Variants in HUWE1 observed in about 807,000 individuals in gnomAD.
HUWE1 encodes the protein E3 ubiquitin-protein ligase HUWE1.
In HUWE1, 18 loss-of-function variants were observed where a neutral mutation model predicts 299.4. The observed-to-expected ratio is 0.06, with a 90% CI of 0.04 to 0.09. HUWE1 has a LOEUF of 0.09. Ranked by LOEUF, HUWE1 falls within the 10% of genes least tolerant of loss-of-function variation. The probability of loss-of-function intolerance (pLI) is 1.00; values close to 1 mark genes in which losing one functional copy is unlikely to be tolerated. For missense variants in HUWE1, 1,832 were observed against 3,462.3 expected, an observed-to-expected ratio of 0.53 and a Z score of 11.82; for synonymous variants, 1,317 against 1,286.1, an observed-to-expected ratio of 1.02 and a Z score of -0.51.
intron 3 of HUWE1, among the ~76,000 whole-genome samples, chrX:53,674,601 G>C (rs2069719368): frequency 8.9e-6 from 1 of 112,078 alleles, no homozygotes; most frequent in African/African-American, 3.2e-5. Context: ...TTGAATTCAT[G>C]AAGTACTTTT....
chrX:53,600,021 C>T lies in HUWE1; in HGVS notation c.3163+97G>A. 5 of 820,015 alleles carry T rather than the reference C, an allele frequency of 6.1e-6. No homozygotes were observed. The South Asian group carries it at 8.4e-5, about 14-fold the overall frequency. 67.6% of individuals were successfully genotyped at this position (820,015 alleles called of 1,213,427 possible). A position where few individuals can be genotyped will look rare whatever the true frequency, so the allele number is the denominator to read the frequency against. ...AAAAATGAGTCACAGAAGTTTTAAA[C>T]TTCCTTAGGTGAAACAACATAGCCT... On this transcript the variant is annotated intron_variant, in intron 29 of 83. Transcript: ENST00000262854.
chrX:53,673,551 T>C (rs1406894248), intron 3 of HUWE1, among the ~76,000 whole-genome samples: 1 of 111,890 alleles, frequency 8.9e-6, no homozygotes, highest in African/African-American at 3.2e-5. Flanking sequence ...AGACATTTAG[T>C]GTAACCATCA....
rs1286856794 is a variant in HUWE1, at chrX:53,653,764, A to G, written c.45+299T>C. 3.6e-5 allele frequency among the ~76,000 whole-genome samples: 4 copies of G among 112,282 alleles called. No individual in the cohort carries two copies. In the East Asian group the frequency reaches 1.1e-3, roughly 31 times the overall value. ...AACCCATATCTGCTCTTTCCATTAT[A>G]CCACACATCCTTTCTGCATAGGAAG... On this transcript the variant is annotated intron_variant, in intron 4 of 83. Transcript: ENST00000262854.
intron 28 of HUWE1, 100 bp downstream of exon 28, chrX:53,602,464 A>G: frequency 1.9e-6 from 1 of 527,612 alleles, no homozygotes; most frequent in Non-Finnish European, 3.3e-6. Flanking sequence ...AAACTAGACT[A>G]TGGATGATAG....
chrX:53,628,450 T>C lies in HUWE1; in HGVS notation c.1242+43A>G. 7.9e-6 allele frequency: 9 copies of C among 1,132,289 alleles called. No individual in the cohort carries two copies. The South Asian group carries it at 1.4e-4, about 18-fold the overall frequency. 93.3% of individuals were successfully genotyped at this position (1,132,289 alleles called of 1,213,427 possible). ...TTGCATCTCTACACCCTTAGTTGAT[T>C]TCCCCATGTAGTTTAAAAAAAAAAA... On this transcript the variant is annotated intron_variant, in intron 15 of 83. Coordinates refer to ENST00000262854, the MANE Select transcript of HUWE1 (RefSeq NM_031407.7).
chrX:53,547,427 A>G (rs2061587313), intron 68 of HUWE1, among the ~76,000 whole-genome samples: 1 of 111,799 alleles, frequency 8.9e-6, no homozygotes, highest in African/African-American at 3.3e-5. Flanking sequence ...GCTGACCTTC[A>G]AAAGAGTGTG....
intron 4 of HUWE1, among the ~76,000 whole-genome samples, chrX:53,648,540 C>CAAAAAAAA (rs200558034): frequency 4.7e-5 from 4 of 85,733 alleles, no homozygotes; most frequent in African/African-American, 2.8e-4. Context: ...CAAAAAAAAA[C>CAAAAAAAA]AAAAAAAAAC....
rs959220671 is a variant in HUWE1 at position 53,627,566 on chromosome X, T to A, written c.1384-51A>T. The A allele has an allele frequency of 2.3e-4, 142 of 627,025 alleles. 2 individuals are homozygous for A. The highest frequency in any genetic ancestry group is 1.2e-3 in the Middle Eastern group (3 of 2,505). 51.7% of individuals were successfully genotyped at this position (627,025 alleles called of 1,213,427 possible). On this transcript the variant is annotated intron_variant, in intron 16 of 83. Transcript: ENST00000262854. ...AAAATCAAGTATATATATATATATT[T>A]TTTTTTTCAGGGATTAAAAACTATT...
At chrX:53,578,410 C>G (rs1379623148) in intron 43 of HUWE1, among the ~76,000 whole-genome samples, 2 of 86,172 alleles carry the variant, frequency 2.3e-5, no homozygotes, top group Admixed American at 2.3e-4. Flanking sequence ...TGAGGGGCTC[C>G]TCTGCCCGGC....
chrX:53,675,350 T>C, intron 3 of HUWE1, among the ~76,000 whole-genome samples: 1 of 112,041 alleles, frequency 8.9e-6, no homozygotes, highest in South Asian at 3.7e-4. Flanking sequence ...TATTACCCTG[T>C]ATTAATAGAA....
intron 81 of HUWE1, among the ~76,000 whole-genome samples, chrX:53,534,938 G>T (rs1233170000): frequency 9.2e-6 from 1 of 108,655 alleles, no homozygotes; most frequent in Non-Finnish European, 1.9e-5. Flanking sequence ...GTTAAGCTGG[G>T]TTTGTTTTTT....
intron 24 of HUWE1, 64 bp downstream of exon 24, chrX:53,608,788 G>A (rs2065283536): frequency 7.2e-6 from 5 of 698,700 alleles, no homozygotes; most frequent in South Asian, 6.4e-5. Flanking sequence ...CTCTGATAAC[G>A]AAACACATTT....
chrX:53,681,495 G>A (rs919705678), intron 2 of HUWE1, among the ~76,000 whole-genome samples: 1 of 109,247 alleles, frequency 9.2e-6, no homozygotes, highest in Admixed American at 9.8e-5. Context: ...TGTTTAATAA[G>A]TACGTTAGAA....
At chrX:53,541,405 T>A (rs181818661) in intron 74 of HUWE1, among the ~76,000 whole-genome samples, 1 of 109,591 alleles carries the variant, frequency 9.1e-6, no homozygotes, top group Non-Finnish European at 1.9e-5. Context: ...CTGGCCAATG[T>A]GGCGAAACCC....
intron 80 of HUWE1, chrX:53,535,922 GTTTTTTT>G (rs34675759): frequency 2.9e-5 from 5 of 172,649 alleles, no homozygotes; most frequent in Admixed American, 8.6e-5. Context: ...ATGTACTGGA[GTTTTTTT>G]TTTTTTTTTT....
At chrX:53,564,945 T>C in intron 50 of HUWE1, 122 bp downstream of exon 50, 1 of 864,616 alleles carries the variant, frequency 1.2e-6, no homozygotes, top group Non-Finnish European at 1.7e-6. Flanking sequence ...CACGCCACTA[T>C]GACAGATCTC....
chrX:53,539,644 G>A lies in HUWE1; in HGVS notation c.11632+13C>T, dbSNP rs781937768. On this transcript the variant is annotated intron_variant, in intron 75 of 83. Coordinates refer to ENST00000262854, the MANE Select transcript of HUWE1 (RefSeq NM_031407.7). ...CACTGGGTTGGGACCTGGGCCTTTAGGACACAACTCACCTAGCACCGCATG... is the reference window on the plus strand; with the variant it reads ...CACTGGGTTGGGACCTGGGCCTTTAAGACACAACTCACCTAGCACCGCATG... 9.3e-5 allele frequency: 112 copies of A among 1,209,005 alleles called. No homozygotes were observed. Among genetic ancestry groups the A allele is most frequent in the East Asian group, 3.9e-4 (13 of 33,766 alleles).
In HUWE1 at chrX:53,538,414, G is replaced by C; in HGVS notation, c.11919C>G (p.Ser3973=). 8.3e-7 allele frequency: 1 copy of C among 1,208,870 alleles called. No individual in the cohort carries two copies. The highest frequency in any genetic ancestry group is 1.1e-6 in the Non-Finnish European group (1 of 893,023). ...AAGGCCCATCAGCAAGGTGGGTCGT[G>C]GACTGCCGTAGGATCTGGTTTAACA... ...RTVLNQILRQ[S]TTHLADGPFA... is the part of the protein sequence containing the mutation. Residue 3973 remains serine, a synonymous_variant, in exon 77 of 84, where the codon TCC becomes TCG. Coordinates refer to ENST00000262854, the MANE Select transcript of HUWE1 (RefSeq NM_031407.7).
intron 23 of HUWE1, among the ~76,000 whole-genome samples, chrX:53,614,175 G>A (rs1472788622): frequency 9.0e-6 from 1 of 111,131 alleles, no homozygotes; most frequent in Non-Finnish European, 1.9e-5. Context: ...TGAGGCAGGA[G>A]AACTGCTTGA....
Sources: allele counts gnomAD v4.1 joint callset (sites outside exome capture counted in the v4.1 genomes callset), GRCh38; gene constraint gnomAD v4.1.1; transcripts MANE v1.5; gene names NCBI Gene and HGNC (gene_info 2026-07-23, HGNC 2026-07-21).